The following RXRG variants were observed in gnomAD, a reference collection of about 807,000 sequenced individuals.
The protein encoded by RXRG is retinoic acid receptor RXR-gamma.
A neutral mutation model predicts 49.2 loss-of-function variants in RXRG; 19 were observed. That is an observed-to-expected ratio of 0.39 (90% confidence interval 0.27 to 0.57). The LOEUF is 0.57. Ranked by LOEUF, RXRG falls within the 20% of genes least tolerant of loss-of-function variation. The pLI is 0.64. For synonymous variants in RXRG, 224 were observed against 216.6 expected, an observed-to-expected ratio of 1.03 and a Z score of -0.30; for missense variants, 452 against 592.5, an observed-to-expected ratio of 0.76 and a Z score of 2.46.
intron 4 of RXRG, 81 bp from the exon 5 acceptor site, chr1:165,411,190 A>G (rs1421310119): frequency 2.2e-6 from 3 of 1,361,504 alleles, no homozygotes; most frequent in Non-Finnish European, 3.0e-6. Context: ...ATGAGCCTCA[A>G]TTTACTCATC....
chr1:165,401,610 C>T (rs778054476), intron 9 of RXRG, among the ~76,000 whole-genome samples, 200 bp from the exon 10 acceptor site: 1 of 152,216 alleles, frequency 6.6e-6, no homozygotes, highest in Non-Finnish European at 1.5e-5. Context: ...TTAACAGAAG[C>T]TGGAGCGCAT....
At chr1:165,408,497 T>G (rs1285824870) in intron 7 of RXRG, among the ~76,000 whole-genome samples, 179 bp from the exon 8 acceptor site, 1 of 152,070 alleles carries the variant, frequency 6.6e-6, no homozygotes, top group Non-Finnish European at 1.5e-5. Flanking sequence ...ACAGTTTAAC[T>G]AAAGAAACAG....
intron 7 of RXRG, among the ~76,000 whole-genome samples, chr1:165,409,249 A>C: frequency 6.6e-6 from 1 of 152,284 alleles, no homozygotes; most frequent in East Asian, 1.9e-4. Context: ...TCCTTAGGAA[A>C]TCCATTGGGA....
At chr1:165,411,690 T>C (rs1215549629) in intron 4 of RXRG, among the ~76,000 whole-genome samples, 1 of 152,144 alleles carries the variant, frequency 6.6e-6, no homozygotes, top group African/African-American at 2.4e-5. Flanking sequence ...CTAGATGACA[T>C]TTCAGAATCA....
chr1:165,433,904 G>T (rs1658752487), intron 1 of RXRG, among the ~76,000 whole-genome samples: 1 of 152,174 alleles, frequency 6.6e-6, no homozygotes, highest in Non-Finnish European at 1.5e-5. Flanking sequence ...TCTGTACAGT[G>T]CATAACTCTA....
At chr1:165,424,826 G>C in intron 2 of RXRG, 3 of 985,480 alleles carry the variant, frequency 3.0e-6, no homozygotes, top group Non-Finnish European at 3.6e-6. Flanking sequence ...AGGAAGGCAG[G>C]ATGCATAGGA....
intron 9 of RXRG, among the ~76,000 whole-genome samples, chr1:165,401,993 T>C (rs1416519098): frequency 1.3e-5 from 2 of 152,218 alleles, no homozygotes; most frequent in African/African-American, 2.4e-5. Context: ...AGCAATCCTC[T>C]CACCTCAGCC....
intron 1 of RXRG, among the ~76,000 whole-genome samples, chr1:165,440,078 G>A (rs552839549): frequency 1.1e-4 from 16 of 152,270 alleles, no homozygotes; most frequent in Middle Eastern, 3.4e-3. Flanking sequence ...CAAAATCCTG[G>A]GAGAGGCCAA....
At chr1:165,440,009 G>A (rs567158542) in intron 1 of RXRG, among the ~76,000 whole-genome samples, 1 of 152,218 alleles carries the variant, frequency 6.6e-6, no homozygotes, top group African/African-American at 2.4e-5. Context: ...CAAACTAGGG[G>A]TTGAATTGTG....
intron 9 of RXRG, among the ~76,000 whole-genome samples, chr1:165,404,189 G>A (rs1657671707): frequency 6.6e-6 from 1 of 152,120 alleles, no homozygotes; most frequent in Non-Finnish European, 1.5e-5. Context: ...CACATGCCTG[G>A]CCAGTGACAC....
chr1:165,429,495 A>G (rs1658605501), intron 1 of RXRG, among the ~76,000 whole-genome samples: 1 of 152,228 alleles, frequency 6.6e-6, no homozygotes, highest in Non-Finnish European at 1.5e-5. Flanking sequence ...AGAAGAGCAC[A>G]CAGTCGCTGA....
chr1:165,426,671 G>A (rs1197346708), intron 2 of RXRG, among the ~76,000 whole-genome samples: 1 of 152,136 alleles, frequency 6.6e-6, no homozygotes, highest in Non-Finnish European at 1.5e-5. Flanking sequence ...CTCTAAAACT[G>A]TATTCAAAGG....
chr1:165,431,201 A>G (rs459881), intron 1 of RXRG, among the ~76,000 whole-genome samples: 152,262 of 152,310 alleles, frequency 1, 76,107 homozygotes, highest in East Asian at 1. Context: ...TGTGTTTGTT[A>G]TCAAGGACAG....
intron 4 of RXRG, among the ~76,000 whole-genome samples, chr1:165,413,719 GC>G (rs1658028759): frequency 6.6e-6 from 1 of 152,168 alleles, no homozygotes; most frequent in African/African-American, 2.4e-5. Context: ...TCCTGAGGTG[GC>G]CCACTAATCA....
At chr1:165,405,901 G>A (rs750312413) in intron 9 of RXRG, among the ~76,000 whole-genome samples, 2 of 152,190 alleles carry the variant, frequency 1.3e-5, no homozygotes, top group Admixed American at 6.5e-5. Flanking sequence ...CTAGAGGTTG[G>A]CTTATGATTC....
chr1:165,404,210 C>T (rs546154660), intron 9 of RXRG, among the ~76,000 whole-genome samples: 1 of 152,312 alleles, frequency 6.6e-6, no homozygotes, highest in South Asian at 2.1e-4. Flanking sequence ...CCCTGATGTA[C>T]CTACTGAGCC....
intron 1 of RXRG, among the ~76,000 whole-genome samples, chr1:165,439,420 T>TG (rs141176089): frequency 0.034 from 5,112 of 152,088 alleles, 104 homozygotes; most frequent in Admixed American, 0.064. Flanking sequence ...AGCCCTTCTC[T>TG]GGGGGCTACA....
intron 2 of RXRG, among the ~76,000 whole-genome samples, chr1:165,427,054 G>A (rs923655252): frequency 6.6e-6 from 1 of 152,112 alleles, no homozygotes; most frequent in Non-Finnish European, 1.5e-5. Context: ...CATTAGGGAG[G>A]GCAAACTCCT....
chr1:165,427,702 A>G (rs1291194089), intron 2 of RXRG, among the ~76,000 whole-genome samples: 1 of 152,196 alleles, frequency 6.6e-6, no homozygotes, highest in Non-Finnish European at 1.5e-5. Context: ...TCGGCCTCCC[A>G]AAGTGCTAGG....
Sources: allele counts gnomAD v4.1 joint callset (sites outside exome capture counted in the v4.1 genomes callset), GRCh38; gene constraint gnomAD v4.1.1; transcripts MANE v1.5; gene names NCBI Gene and HGNC (gene_info 2026-07-23, HGNC 2026-07-21).